The following SEC61A2 variants were observed in gnomAD, a reference collection of about 807,000 sequenced individuals.
The protein encoded by SEC61A2 is SEC61 translocon subunit alpha 2, also known as protein transport protein Sec61 subunit alpha isoform 2.
SEC61A2 carries 28 observed loss-of-function variants against 59.9 expected under a neutral mutation model. The ratio of observed to expected loss-of-function variants is 0.47; its 90% confidence interval spans 0.35 to 0.64. The LOEUF is 0.64. SEC61A2 is among the 30% of genes least tolerant of loss of function. SEC61A2 has a pLI of 0.01. For synonymous variants in SEC61A2, 202 were observed against 214.4 expected, an observed-to-expected ratio of 0.94 and a Z score of 0.50; for missense variants, 340 against 585.9, an observed-to-expected ratio of 0.58 and a Z score of 4.33.
rs989265337 is a variant in SEC61A2 at position 12,153,104 on chromosome 10, A to C, written c.463-2674A>C. 2.0e-5 allele frequency among the ~76,000 whole-genome samples: 3 copies of C among 152,054 alleles called. No individual in the cohort carries two copies. Among genetic ancestry groups the C allele is most frequent in the Non-Finnish European group, 4.4e-5 (3 of 68,002 alleles). On this transcript the variant is annotated intron_variant, in intron 6 of 11. Coordinates refer to ENST00000298428, the MANE Select transcript of SEC61A2 (RefSeq NM_018144.4). The surrounding 1 kb of genome is among the most constrained non-coding windows in gnomAD (Gnocchi z 5.2). The stretch of plus-strand genomic sequence containing the variant: ...ACTTTGTCTTTGTCTTTATTTGTCC[A>C]TTTACAAATCACTTGATTGGCAAAT...
intron 1 of SEC61A2, among the ~76,000 whole-genome samples, chr10:12,130,384 A>G (rs1005435972): frequency 4.8e-4 from 73 of 152,162 alleles, no homozygotes; most frequent in African/African-American, 1.8e-3. Flanking sequence ...TCAACCCCAC[A>G]TATGTGCACG....
At chr10:12,130,463 T>C (rs1022255827) in intron 1 of SEC61A2, among the ~76,000 whole-genome samples, 2 of 152,146 alleles carry the variant, frequency 1.3e-5, no homozygotes, top group Non-Finnish European at 2.9e-5. Flanking sequence ...AGGGCACCCA[T>C]TGGCCAACTA....
chr10:12,147,381 G>A (rs573587502), intron 4 of SEC61A2, among the ~76,000 whole-genome samples: 1 of 152,122 alleles, frequency 6.6e-6, no homozygotes, highest in South Asian at 2.1e-4. Flanking sequence ...TATCCTTTAT[G>A]TTTAAATTTT....
At position 12,155,337 on chromosome 10, in the gene SEC61A2, T is replaced by G; in HGVS notation, c.463-441T>G. 6.3e-7 allele frequency: 1 copy of G among 1,585,234 alleles called. No individual in the cohort carries two copies. The highest frequency in any genetic ancestry group is 8.6e-7 in the Non-Finnish European group (1 of 1,167,828). On this transcript the variant is annotated intron_variant, in intron 6 of 11. Transcript: ENST00000298428. This position sits in a 1 kb window ranked among gnomAD's most constrained non-coding sequence, Gnocchi z 4.3. The stretch of plus-strand genomic sequence containing the variant: ...ATCAACACAGCCCTTAGACTTATCC[T>G]TTGATGGCAGTGTACATTTCCATCT...
chr10:12,163,936 C>T (rs1306527535), intron 11 of SEC61A2, among the ~76,000 whole-genome samples: 1 of 152,164 alleles, frequency 6.6e-6, no homozygotes. Flanking sequence ...ACTCTTCATT[C>T]CACAAGAGGG....
At chr10:12,169,452 T>A, downstream of SEC61A2, 1 of 659,572 alleles carries the variant, frequency 1.5e-6, no homozygotes, top group South Asian at 2.2e-5. The surrounding 1 kb of genome is among the most constrained non-coding windows in gnomAD (Gnocchi z 4.8). Context: ...ACAGAACCTG[T>A]TTGATGTGAT....
Position 12,155,352 on chromosome 10 carries a change from C to T in SEC61A2, c.463-426C>T, listed in dbSNP as rs139397269. ...AGACTTATCCTTTGATGGCAGTGTA[C>T]ATTTCCATCTTGCTATTATACCAGA... On this transcript the variant is annotated intron_variant, in intron 6 of 11. Transcript: ENST00000298428. The surrounding 1 kb of genome is among the most constrained non-coding windows in gnomAD (Gnocchi z 4.3). 1.8e-5 allele frequency: 28 copies of T among 1,582,228 alleles called. No individual in the cohort carries two copies. The highest frequency in any genetic ancestry group is 2.2e-5 in the Non-Finnish European group (26 of 1,166,842).
chr10:12,157,774 T>C, intron 8 of SEC61A2, 134 bp from the exon 9 acceptor site: 2 of 769,130 alleles, frequency 2.6e-6, no homozygotes, highest in Non-Finnish European at 4.2e-6. Context: ...GTGTTGGGAT[T>C]ACAGGCCTGA....
rs1160332519 is a variant in SEC61A2, at chr10:12,149,786, G to A, written c.352+60G>A. ...ATTTGAGAGTGCTCGTGGTAAAGAT[G>A]TTTTCTCTAGTCTTTTCTTGTCTTT... On this transcript the variant is annotated intron_variant, in intron 5 of 11. Transcript: ENST00000298428. The surrounding 1 kb of genome is among the most constrained non-coding windows in gnomAD (Gnocchi z 5.2). The A allele has an allele frequency of 4.4e-6, 7 of 1,606,208 alleles. No individual in the cohort carries two copies. The highest frequency in any genetic ancestry group is 2.2e-5 in the East Asian group (1 of 44,778).
downstream of SEC61A2, chr10:12,165,509 A>G (rs11972): frequency 0.37 from 104,567 of 282,462 alleles, 20,603 homozygotes; most frequent in East Asian, 0.42. Context: ...CTTTAATCCT[A>G]AATTATTGAC....
At position 12,153,155 on chromosome 10, in the gene SEC61A2, G is replaced by T. The variant is rs531925150; in HGVS notation, c.463-2623G>T. Among the ~76,000 whole-genome samples the T allele has an allele frequency of 3.3e-3, 508 of 152,272 alleles. 6 individuals carry two copies. Among genetic ancestry groups the T allele is most frequent in the African/African-American group, 0.012 (487 of 41,562 alleles). ...TTACAGCCCTTGGGAATTAGGGAAA[G>T]AGGCGCATTGGATGGGGAGAGATGA... On this transcript the variant is annotated intron_variant, in intron 6 of 11. Coordinates refer to ENST00000298428, the MANE Select transcript of SEC61A2 (RefSeq NM_018144.4). This position sits in a 1 kb window ranked among gnomAD's most constrained non-coding sequence, Gnocchi z 5.2.
intron 1 of SEC61A2, 79 bp from the exon 2 acceptor site, chr10:12,133,162 T>G: frequency 1.4e-6 from 1 of 714,640 alleles, no homozygotes. Context: ...AAGAGAATCT[T>G]TGTATTTGAT....
chr10:12,138,644 G>T (rs79871509), intron 3 of SEC61A2, among the ~76,000 whole-genome samples: 12,120 of 152,212 alleles, frequency 0.08, 1,363 homozygotes, highest in African/African-American at 0.25. Context: ...ATTCTTTAGT[G>T]TCTAACTTCA....
chr10:12,163,200 G>A (rs1048309178), intron 11 of SEC61A2, among the ~76,000 whole-genome samples: 18 of 151,920 alleles, frequency 1.2e-4, no homozygotes, highest in Admixed American at 9.2e-4. Flanking sequence ...TGATGGATGC[G>A]AAGTGGGGCA....
downstream of SEC61A2, chr10:12,167,439 ACTG>A (rs1249633964): frequency 1.1e-5 from 4 of 363,334 alleles, no homozygotes; most frequent in African/African-American, 8.7e-5. Flanking sequence ...GCTGTAGTTA[ACTG>A]CTGTTGAGCT....
Position 12,156,037 on chromosome 10 carries a change from T to C in SEC61A2, c.616+106T>C. On this transcript the variant is annotated intron_variant, in intron 7 of 11. Coordinates refer to ENST00000298428, the MANE Select transcript of SEC61A2 (RefSeq NM_018144.4). The surrounding 1 kb of genome is among the most constrained non-coding windows in gnomAD (Gnocchi z 5.2). ...CTAGAGCCGTTCTGGTTTGCTCTCC[T>C]AGGGGATAAGGAATGCGAATTCTTC... The C allele has an allele frequency of 1.7e-6, 2 of 1,186,272 alleles. No homozygotes were observed. The highest frequency in any genetic ancestry group is 2.5e-6 in the Non-Finnish European group (2 of 814,860). The allele number at this position is 1,186,272 out of a possible 1,614,324, so 73.5% of individuals were successfully genotyped here.
chr10:12,149,540 T>G lies in SEC61A2; in HGVS notation c.221-55T>G. ...AATTAGGGAGTGCGACACCTCTAAATCAGTTTGTATCGTGTACAGCAAACA... is the reference window on the plus strand; with the variant it reads ...AATTAGGGAGTGCGACACCTCTAAAGCAGTTTGTATCGTGTACAGCAAACA... On this transcript the variant is annotated intron_variant, in intron 4 of 11. Transcript: ENST00000298428. This position sits in a 1 kb window ranked among gnomAD's most constrained non-coding sequence, Gnocchi z 5.2. 1 of 1,510,308 alleles carries G rather than the reference T, an allele frequency of 6.6e-7. No homozygotes were observed. Among genetic ancestry groups the G allele is most frequent in the Non-Finnish European group, 8.9e-7 (1 of 1,127,784 alleles). 93.6% of individuals were successfully genotyped at this position (1,510,308 alleles called of 1,614,324 possible).
downstream of SEC61A2, chr10:12,169,377 CACGCACCT>C: frequency 8.0e-7 from 1 of 1,253,280 alleles, no homozygotes; most frequent in Non-Finnish European, 1.1e-6. This position sits in a 1 kb window ranked among gnomAD's most constrained non-coding sequence, Gnocchi z 4.8. Context: ...CCCTGCTTTC[CACGCACCT>C]CCTCAGAGGG....
At chr10:12,159,306 G>C (rs372139407) in intron 9 of SEC61A2, among the ~76,000 whole-genome samples, 1 of 152,004 alleles carries the variant, frequency 6.6e-6, no homozygotes, top group Non-Finnish European at 1.5e-5. Context: ...ATCTAGCCAC[G>C]CTGTTATTGA....
Sources: allele counts gnomAD v4.1 joint callset (sites outside exome capture counted in the v4.1 genomes callset), GRCh38; gene constraint gnomAD v4.1.1; non-coding constraint Gnocchi (gnomAD v3.1); transcripts MANE v1.5; gene names NCBI Gene and HGNC (gene_info 2026-07-23, HGNC 2026-07-21).